CEP83: variants seen among roughly 807,000 people sequenced by gnomAD.
The protein encoded by CEP83 is centrosomal protein of 83 kDa.
In CEP83, 70 loss-of-function variants were observed where a neutral mutation model predicts 101.9. The observed-to-expected ratio is 0.69, with a 90% CI of 0.57 to 0.84. CEP83 has a LOEUF of 0.84. Among genes scored for constraint, CEP83 ranks in the 40% least tolerant of loss-of-function variants. The pLI is 0.00. For missense variants in CEP83, 715 were observed against 787.2 expected (o/e 0.91, Z 1.10); for synonymous variants, 264 against 267.9 (o/e 0.99, Z 0.14).
At chr12:94,313,230 A>G (rs891705590) in intron 14 of CEP83, 2 of 302,316 alleles carry the variant, frequency 6.6e-6, no homozygotes, top group Non-Finnish European at 1.2e-5. Context: ...ACAATTAATT[A>G]TGAATGCCAA....
intron 2 of CEP83, among the ~76,000 whole-genome samples, 165 bp downstream of exon 2, chr12:94,435,110 C>T (rs185787013): frequency 3.9e-5 from 6 of 152,292 alleles, no homozygotes; most frequent in East Asian, 1.9e-4. Flanking sequence ...CTGAATGACA[C>T]TGAAATTTGC....
intron 2 of CEP83, among the ~76,000 whole-genome samples, chr12:94,427,060 T>C (rs1427515559): frequency 6.6e-6 from 1 of 152,238 alleles, no homozygotes; most frequent in African/African-American, 2.4e-5. Context: ...TGGCTTTCTC[T>C]TGTATTTATA....
rs2061023373 is a variant in CEP83, at chr12:94,366,270, G to A, written c.1343+1524C>T. Among the ~76,000 whole-genome samples the A allele has an allele frequency of 2.6e-5, 4 of 152,084 alleles. No individual in the cohort carries two copies. The South Asian group carries it at 8.3e-4, about 31-fold the overall frequency. Reference sequence around the variant, plus strand: ...AGAATAGAATAGAAAGAATAAACCTGCTTTATAAGTGAATAACAAACCACA... The same window carrying A: ...AGAATAGAATAGAAAGAATAAACCTACTTTATAAGTGAATAACAAACCACA... On this transcript the variant is annotated intron_variant, in intron 11 of 16. Coordinates refer to ENST00000397809, the MANE Select transcript of CEP83 (RefSeq NM_016122.3).
intron 2 of CEP83, among the ~76,000 whole-genome samples, chr12:94,421,107 C>CA (rs2064708142): frequency 6.6e-6 from 1 of 152,084 alleles, no homozygotes; most frequent in Non-Finnish European, 1.5e-5. Flanking sequence ...ATGGCATGAT[C>CA]ACAGCTTACT....
chr12:94,356,536 T>TA (rs957359240), intron 11 of CEP83, among the ~76,000 whole-genome samples: 2 of 152,172 alleles, frequency 1.3e-5, no homozygotes, highest in Admixed American at 6.5e-5. Flanking sequence ...TTCGGCAAGC[T>TA]AGACAAGAGG....
At chr12:94,279,748 C>T in the CEP83 span, 1 of 1,038,846 alleles carries the variant, frequency 9.6e-7, no homozygotes, top group Non-Finnish European at 1.5e-6. Context: ...CACCAGCTTC[C>T]ATTCAGTGAC....
At chr12:94,410,668 T>G (rs2063823459) in intron 4 of CEP83, among the ~76,000 whole-genome samples, 1 of 152,206 alleles carries the variant, frequency 6.6e-6, no homozygotes, top group Non-Finnish European at 1.5e-5. Context: ...CAGCTTCCAC[T>G]CATACAGGGC....
At position 94,331,636 on chromosome 12, in the gene CEP83, T is replaced by C. The variant is rs1201978874; in HGVS notation, c.1707+64A>G. ...ATCCACCTGCCTCCGCCTCCCAAAG[T>C]GCTGGGATTACAGGTGTGAGCCACC... On this transcript the variant is annotated intron_variant, in intron 14 of 16. Coordinates refer to ENST00000397809, the MANE Select transcript of CEP83 (RefSeq NM_016122.3). 4.7e-6 allele frequency: 7 copies of C among 1,487,692 alleles called. No homozygotes were observed. The African/African-American group carries it at 8.3e-5, about 18-fold the overall frequency. The allele number at this position is 1,487,692 out of a possible 1,614,324, so 92.2% of individuals were successfully genotyped here. A position where few individuals can be genotyped will look rare whatever the true frequency, so the allele number is the denominator to read the frequency against.
Position 94,331,839 on chromosome 12 carries a change from G to C in CEP83, c.1578-10C>G, listed in dbSNP as rs907752332. The C allele has an allele frequency of 1.9e-6, 3 of 1,610,176 alleles. No individual in the cohort carries two copies. The highest frequency in any genetic ancestry group is 1.7e-5 in the Admixed American group (1 of 59,986). On this transcript the variant is annotated splice_polypyrimidine_tract_variant and intron_variant, in intron 13 of 16. Coordinates refer to ENST00000397809, the MANE Select transcript of CEP83 (RefSeq NM_016122.3). ...TTTCTCTTCCAATGTCCTGTCAGAAGAATGTATGTAAAACATGGAAGTTAA... is the reference window on the plus strand; with the variant it reads ...TTTCTCTTCCAATGTCCTGTCAGAACAATGTATGTAAAACATGGAAGTTAA...
chr12:94,296,064 G>C, the CEP83 span, among the ~76,000 whole-genome samples: 2 of 152,000 alleles, frequency 1.3e-5, no homozygotes, highest in African/African-American at 4.8e-5. Context: ...CAACCTTCTT[G>C]GTATCCTTAC....
At chr12:94,303,952 A>G, downstream of CEP83, 3 of 1,606,656 alleles carry the variant, frequency 1.9e-6, no homozygotes, top group Non-Finnish European at 2.6e-6. Flanking sequence ...TCATTTCAGA[A>G]TCTCTCAACA....
At chr12:94,355,205 A>G (rs1459473367) in intron 11 of CEP83, among the ~76,000 whole-genome samples, 1 of 152,132 alleles carries the variant, frequency 6.6e-6, no homozygotes, top group Non-Finnish European at 1.5e-5. Context: ...CTAGAAAAAC[A>G]AGAACAGGCC....
At chr12:94,444,483 A>C (rs571434530) in intron 1 of CEP83, among the ~76,000 whole-genome samples, 1 of 152,364 alleles carries the variant, frequency 6.6e-6, no homozygotes, top group African/African-American at 2.4e-5. Context: ...CAAAATGAAT[A>C]TATCTTTTCA....
intron 11 of CEP83, among the ~76,000 whole-genome samples, chr12:94,343,657 T>C (rs987180451): frequency 3.4e-5 from 5 of 148,732 alleles, no homozygotes; most frequent in African/African-American, 1.2e-4. Context: ...GCCCGGCTAA[T>C]TTTTTGTATT....
At chr12:94,363,630 T>C (rs1339960266) in intron 11 of CEP83, among the ~76,000 whole-genome samples, 1 of 152,108 alleles carries the variant, frequency 6.6e-6, no homozygotes. Flanking sequence ...TATGTAGAAC[T>C]GAAATATTAT....
At chr12:94,403,333 C>T (rs908982760) in intron 4 of CEP83, 71 bp from the exon 5 acceptor site, 2 of 727,950 alleles carry the variant, frequency 2.7e-6, no homozygotes, top group Non-Finnish European at 2.3e-6. Context: ...TTCAAAGCCT[C>T]TCTCCTAATT....
intron 6 of CEP83, among the ~76,000 whole-genome samples, chr12:94,390,221 A>G (rs749623727): frequency 6.6e-6 from 1 of 152,178 alleles, no homozygotes; most frequent in Non-Finnish European, 1.5e-5. Context: ...AGTAGGGGCC[A>G]ACAGACACCT....
intron 6 of CEP83, among the ~76,000 whole-genome samples, chr12:94,394,721 A>G (rs933641065): frequency 9.2e-5 from 14 of 152,210 alleles, no homozygotes; most frequent in African/African-American, 3.4e-4. Context: ...TTTACAATCT[A>G]CTCATCTGAC....
At chr12:94,297,165 TCTCC>T in the CEP83 span, 477 of 1,612,982 alleles carry the variant, frequency 3.0e-4, no homozygotes, top group Non-Finnish European at 3.7e-4. Flanking sequence ...GACTGCTTTC[TCTCC>T]CTCTTTCTCT....
Sources: allele counts gnomAD v4.1 joint callset (sites outside exome capture counted in the v4.1 genomes callset), GRCh38; gene constraint gnomAD v4.1.1; transcripts MANE v1.5; gene names NCBI Gene and HGNC (gene_info 2026-07-23, HGNC 2026-07-21).